The following OTUD7A variants were observed in gnomAD, a reference collection of about 807,000 sequenced individuals.
OTUD7A encodes the protein OTU deubiquitinase 7A, also known as OTU domain-containing protein 7A.
In OTUD7A, 12 loss-of-function variants were observed where a neutral mutation model predicts 65.7. The ratio of observed to expected loss-of-function variants is 0.18; its 90% CI spans 0.12 to 0.30. OTUD7A has a LOEUF of 0.30. OTUD7A is among the 10% of genes least tolerant of loss of function. OTUD7A has a pLI of 1.00. For synonymous variants in OTUD7A, 641 were observed against 586.3 expected (o/e 1.09, Z -1.35); for missense variants, 1,148 against 1,304.8 (o/e 0.88, Z 1.85).
At chr15:31,768,521 T>C (rs1230536987) in intron 1 of OTUD7A, among the ~76,000 whole-genome samples, 1 of 152,070 alleles carries the variant, frequency 6.6e-6, no homozygotes, top group Non-Finnish European at 1.5e-5. Flanking sequence ...TAGCTGGGCA[T>C]GGTGGCACAT....
chr15:31,864,794 CAA>C (rs202237499), intron 1 of OTUD7A, among the ~76,000 whole-genome samples: 341 of 140,164 alleles, frequency 2.4e-3, no homozygotes, highest in Middle Eastern at 0.011. Context: ...CACACACACA[CAA>C]GTCAAAGCAA....
rs1595549837 is a variant in OTUD7A at position 31,484,827 on chromosome 15, C to G, written c.1372-103G>C. On this transcript the variant is annotated intron_variant, in intron 12 of 12. Coordinates refer to ENST00000307050, the MANE Select transcript of OTUD7A (RefSeq NM_001382637.1). This position sits in a 1 kb window ranked among gnomAD's most constrained non-coding sequence, Gnocchi z 4.5. Reference sequence around the variant, plus strand: ...CCCCTGTGTTGCCGAGGCTAGGGCCCTGGACCTTCACTGTCCCAGTCCCCA... The same window carrying G: ...CCCCTGTGTTGCCGAGGCTAGGGCCGTGGACCTTCACTGTCCCAGTCCCCA... 1 of 1,485,354 alleles carries G rather than the reference C, an allele frequency of 6.7e-7. No individual in the cohort carries two copies. The highest frequency in any genetic ancestry group is 1.4e-5 in the African/African-American group (1 of 71,964). 92.0% of individuals were successfully genotyped at this position (1,485,354 alleles called of 1,614,324 possible).
Position 31,729,319 on chromosome 15 carries a change from T to C in OTUD7A, c.-99-72242A>G, listed in dbSNP as rs536195610. Among the ~76,000 whole-genome samples the C allele has an allele frequency of 5.9e-5, 9 of 152,294 alleles. No individual in the cohort carries two copies. The South Asian group carries it at 1.2e-3, about 21-fold the overall frequency. On this transcript the variant is annotated intron_variant, in intron 1 of 12. Coordinates refer to ENST00000307050, the MANE Select transcript of OTUD7A (RefSeq NM_001382637.1). ...GTTTATAACCATGATACCCTGTGGA[T>C]GAGCAAAAAAAGCATGGGCTGTTAG...
At chr15:31,524,866 CCT>C (rs748074906) in intron 8 of OTUD7A, among the ~76,000 whole-genome samples, 32 of 152,288 alleles carry the variant, frequency 2.1e-4, no homozygotes, top group Non-Finnish European at 4.1e-4. Context: ...CCAAGTGGCC[CCT>C]GTGTCCCCAT....
Position 31,477,798 on chromosome 15 carries a change from G to A in OTUD7A, c.*5496C>T, listed in dbSNP as rs1294632121. 6.6e-6 allele frequency: 1 copy of A among 151,528 alleles called. No individual in the cohort carries two copies. The highest frequency in any genetic ancestry group is 6.6e-5 in the Admixed American group (1 of 15,210). The allele number at this position is 151,528 out of a possible 1,614,324, so 9.4% of individuals were successfully genotyped here. Reference sequence around the variant, plus strand: ...GAGCTTACAGTCTATGGGAGATGGGGAGGCGAGAATCAAATAAATGGATGA... The same window carrying A: ...GAGCTTACAGTCTATGGGAGATGGGAAGGCGAGAATCAAATAAATGGATGA... On this transcript the variant is annotated 3_prime_UTR_variant, in exon 13 of 13. Coordinates refer to ENST00000307050, the MANE Select transcript of OTUD7A (RefSeq NM_001382637.1).
At chr15:31,846,743 T>C (rs1567052932) in intron 1 of OTUD7A, among the ~76,000 whole-genome samples, 1 of 152,266 alleles carries the variant, frequency 6.6e-6, no homozygotes, top group African/African-American at 2.4e-5. Context: ...CAAGAAATGA[T>C]GTCCGTGACA....
chr15:31,549,570 C>T (rs1888251804), intron 5 of OTUD7A, among the ~76,000 whole-genome samples: 2 of 152,098 alleles, frequency 1.3e-5, no homozygotes. Flanking sequence ...GGGAGATTAT[C>T]CTGGGTTGGC....
At chr15:31,550,283 C>T (rs1888278609) in intron 5 of OTUD7A, among the ~76,000 whole-genome samples, 1 of 151,998 alleles carries the variant, frequency 6.6e-6, no homozygotes, top group African/African-American at 2.4e-5. Context: ...TCTGGGGTCC[C>T]TCAGCTGCAG....
intron 1 of OTUD7A, among the ~76,000 whole-genome samples, chr15:31,838,409 C>T (rs1897106304): frequency 6.6e-6 from 1 of 152,102 alleles, no homozygotes; most frequent in African/African-American, 2.4e-5. Context: ...GAGACCATGG[C>T]CCTATCCTCC....
intron 3 of OTUD7A, among the ~76,000 whole-genome samples, chr15:31,620,031 GT>G (rs1783969952): frequency 6.6e-6 from 1 of 152,090 alleles, no homozygotes. Context: ...TAATCACATG[GT>G]TTTTGTCTTT....
chr15:31,794,072 A>C (rs1595773325), intron 1 of OTUD7A, among the ~76,000 whole-genome samples: 3 of 152,168 alleles, frequency 2.0e-5, no homozygotes, highest in Admixed American at 6.5e-5. Flanking sequence ...TTTATCTTTC[A>C]CATTTAAACC....
At chr15:31,587,334 G>A (rs1889572914) in intron 3 of OTUD7A, among the ~76,000 whole-genome samples, 1 of 152,006 alleles carries the variant, frequency 6.6e-6, no homozygotes, top group South Asian at 2.1e-4. Flanking sequence ...AGCCAGAGTG[G>A]CCCTTTGAAA....
Position 31,497,818 on chromosome 15 carries a change from G to C in OTUD7A, c.1171+3872C>G, listed in dbSNP as rs570789821. On this transcript the variant is annotated intron_variant, in intron 10 of 12. Transcript: ENST00000307050. Reference sequence around the variant, plus strand: ...CTGGCTGCAACTATTCCCTGGGGATGGTTCCTCCTTTCTCAATTTCCCCCT... The same window carrying C: ...CTGGCTGCAACTATTCCCTGGGGATCGTTCCTCCTTTCTCAATTTCCCCCT... Among the ~76,000 whole-genome samples the C allele has an allele frequency of 9.9e-5, 15 of 152,252 alleles. No homozygotes were observed. The East Asian group carries it at 2.9e-3, about 29-fold the overall frequency.
At chr15:31,831,974 G>T (rs1056339804) in intron 1 of OTUD7A, among the ~76,000 whole-genome samples, 2 of 152,240 alleles carry the variant, frequency 1.3e-5, no homozygotes, top group Non-Finnish European at 2.9e-5. Context: ...CTGGGGCAGG[G>T]CATGAGGGAG....
rs1427691184 is a variant in OTUD7A, at chr15:31,483,483, G to A, written c.2613C>T (p.Phe871=). ...GFGALRDGLE[F]ADADAPTARS... is the part of the protein sequence containing the mutation. ...GCGCGGTCGGCGCGTCGGCGTCGGC[G>A]AACTCCAGGCCGTCGCGCAGGGCGC... Residue 871 remains phenylalanine (F), a synonymous_variant, in exon 13 of 13, where the codon TTC becomes TTT. Coordinates refer to ENST00000307050, the MANE Select transcript of OTUD7A (RefSeq NM_001382637.1). 2.9e-6 allele frequency: 4 copies of A among 1,393,566 alleles called. No homozygotes were observed. Among genetic ancestry groups the A allele is most frequent in the African/African-American group, 1.5e-5 (1 of 65,218 alleles). 86.3% of individuals were successfully genotyped at this position (1,393,566 alleles called of 1,614,324 possible). A position where few individuals can be genotyped will look rare whatever the true frequency, so the allele number is the denominator to read the frequency against.
rs1289559884 is a variant in OTUD7A, at chr15:31,475,599, C to T, written c.*7695G>A. The T allele has an allele frequency of 6.6e-6, 1 of 152,212 alleles. No homozygotes were observed. The highest frequency in any genetic ancestry group is 1.5e-5 in the Non-Finnish European group (1 of 68,036). 9.4% of individuals were successfully genotyped at this position (152,212 alleles called of 1,614,324 possible). A position where few individuals can be genotyped will look rare whatever the true frequency, so the allele number is the denominator to read the frequency against. On this transcript the variant is annotated 3_prime_UTR_variant, in exon 13 of 13. Coordinates refer to ENST00000307050, the MANE Select transcript of OTUD7A (RefSeq NM_001382637.1). The stretch of plus-strand genomic sequence containing the variant: ...TTTTCCAAAATGAAAGCAAGATTTA[C>T]TACATATTGCAAAAACTGGTTTAGT...
At chr15:31,585,813 T>C (rs1266923990) in intron 3 of OTUD7A, among the ~76,000 whole-genome samples, 2 of 152,198 alleles carry the variant, frequency 1.3e-5, no homozygotes, top group African/African-American at 2.4e-5. Flanking sequence ...GAGAAAAATA[T>C]GGAAGAACAC....
rs533975702 is a variant in OTUD7A, at chr15:31,565,920, C to T, written c.331+4098G>A. ...ATAAGAATATATTTCAGGCCGGGCA[C>T]GGTGGCTCACGCCTGTAATCCCAGC... is the stretch of plus-strand genomic sequence containing the variant. On this transcript the variant is annotated intron_variant, in intron 4 of 12. Coordinates refer to ENST00000307050, the MANE Select transcript of OTUD7A (RefSeq NM_001382637.1). Among the ~76,000 whole-genome samples the T allele has an allele frequency of 6.6e-5, 10 of 152,240 alleles. No homozygotes were observed. The East Asian group carries it at 1.2e-3, about 18-fold the overall frequency.
At chr15:31,819,146 GA>G (rs1299481187) in intron 1 of OTUD7A, among the ~76,000 whole-genome samples, 1 of 152,194 alleles carries the variant, frequency 6.6e-6, no homozygotes, top group Non-Finnish European at 1.5e-5. Flanking sequence ...GATGGACTCT[GA>G]GCTAGAAAAC....
Sources: allele counts gnomAD v4.1 joint callset (sites outside exome capture counted in the v4.1 genomes callset), GRCh38; gene constraint gnomAD v4.1.1; non-coding constraint Gnocchi (gnomAD v3.1); transcripts MANE v1.5; gene names NCBI Gene and HGNC (gene_info 2026-07-23, HGNC 2026-07-21).